The following DNAH5 variants were observed in gnomAD, a reference collection of about 807,000 sequenced individuals.
DNAH5 encodes axonemal beta dynein heavy chain 5.
Under a neutral mutation model 518.2 loss-of-function variants are expected in DNAH5, and 372 were observed. The observed-to-expected ratio is 0.72, with a 90% confidence interval of 0.66 to 0.78. The LOEUF (loss-of-function observed/expected upper bound fraction) is 0.78, where lower values mean the gene tolerates loss of function less well. Among genes scored for constraint, DNAH5 ranks in the 30% least tolerant of loss-of-function variants. The probability of loss-of-function intolerance (pLI) is 0.00; values close to 1 mark genes in which losing one functional copy is unlikely to be tolerated. For missense variants in DNAH5, 5,523 were observed against 5,687.0 expected, an observed-to-expected ratio of 0.97 and a Z score of 0.93; for synonymous variants, 2,039 against 2,025.9, an observed-to-expected ratio of 1.01 and a Z score of -0.17.
rs78067593 is a variant in DNAH5, at chr5:13,734,783, C to G, written c.11761+348G>C. Among the ~76,000 whole-genome samples the G allele has an allele frequency of 2.4e-3, 358 of 152,294 alleles. 1 individual carries two copies. The highest frequency in any genetic ancestry group is 7.4e-3 in the African/African-American group (308 of 41,570). On this transcript the variant is annotated intron_variant, in intron 68 of 78. Transcript: ENST00000265104. Reference sequence around the variant, plus strand: ...CCCACTTCATAATGCCCTGTAACTTCCCATCCCTCTCATCCTGCTCTGTTT... The same window carrying G: ...CCCACTTCATAATGCCCTGTAACTTGCCATCCCTCTCATCCTGCTCTGTTT...
chr5:13,769,651 G>C (rs778095587), intron 56 of DNAH5, 36 bp from the exon 57 acceptor site: 2 of 1,545,392 alleles, frequency 1.3e-6, no homozygotes, highest in Admixed American at 3.3e-5. Flanking sequence ...ATGTTAAAAT[G>C]TGTAGGACTT....
intron 1 of DNAH5, among the ~76,000 whole-genome samples, chr5:13,999,349 C>A (rs982306094): frequency 6.6e-6 from 1 of 152,228 alleles, no homozygotes; most frequent in Non-Finnish European, 1.5e-5. Flanking sequence ...TCTTAATTAA[C>A]AATTCCCCAC....
At chr5:13,765,808 A>C (rs898228759) in intron 59 of DNAH5, among the ~76,000 whole-genome samples, 168 bp downstream of exon 59, 3 of 152,232 alleles carry the variant, frequency 2.0e-5, no homozygotes, top group African/African-American at 7.2e-5. Flanking sequence ...AAAATCTGTC[A>C]GGAAAAACTC....
chr5:13,824,658 A>G (rs1003317711), intron 38 of DNAH5, among the ~76,000 whole-genome samples: 2 of 152,172 alleles, frequency 1.3e-5, no homozygotes, highest in Non-Finnish European at 2.9e-5. Flanking sequence ...AATCATACAT[A>G]AGGAAATTTG....
chr5:13,794,189 C>T, intron 47 of DNAH5, 131 bp from the exon 48 acceptor site: 1 of 1,151,208 alleles, frequency 8.7e-7, no homozygotes, highest in Non-Finnish European at 1.2e-6. Context: ...AAATTTCCCC[C>T]TTAATTCTAA....
chr5:13,786,990 T>TCA (rs1756130730), intron 51 of DNAH5, among the ~76,000 whole-genome samples: 1 of 152,024 alleles, frequency 6.6e-6, no homozygotes, highest in Non-Finnish European at 1.5e-5. Context: ...GAGGCCAAGG[T>TCA]GGGCAGATCA....
intron 11 of DNAH5, among the ~76,000 whole-genome samples, chr5:13,913,331 G>T (rs1021347017): frequency 1.3e-5 from 2 of 151,892 alleles, no homozygotes; most frequent in Non-Finnish European, 2.9e-5. Flanking sequence ...TTTAATATGG[G>T]TCCAAATAAA....
In DNAH5 at chr5:13,944,467, A is replaced by C. The variant is rs779450904; in HGVS notation, c.-29T>G. 1.1e-5 allele frequency: 18 copies of C among 1,607,944 alleles called. No individual in the cohort carries two copies. Among genetic ancestry groups the C allele is most frequent in the Non-Finnish European group, 1.5e-5 (18 of 1,177,068 alleles). The stretch of plus-strand genomic sequence containing the variant: ...AGCCGTGCATGGACAGGCTGGAGTC[A>C]GCTCTTCCGGAATGGTCTTCTAACT... On this transcript the variant is annotated 5_prime_UTR_variant, in exon 1 of 79. Transcript: ENST00000265104.
At chr5:13,861,181 T>A (rs374715830) in intron 29 of DNAH5, among the ~76,000 whole-genome samples, 2 of 152,216 alleles carry the variant, frequency 1.3e-5, no homozygotes, top group Non-Finnish European at 2.9e-5. Flanking sequence ...TTAATTTACA[T>A]GAGTGTCTTT....
intron 13 of DNAH5, 72 bp from the exon 14 acceptor site, chr5:13,901,645 A>G (rs1774643023): frequency 1.1e-6 from 1 of 902,544 alleles, no homozygotes; most frequent in Non-Finnish European, 1.6e-6. Flanking sequence ...AAAAATATCT[A>G]GTAATCTCAT....
At chr5:13,755,096 C>T (rs1020284718) in intron 61 of DNAH5, among the ~76,000 whole-genome samples, 4 of 151,936 alleles carry the variant, frequency 2.6e-5, no homozygotes, top group Non-Finnish European at 2.9e-5. Context: ...GAGCCAAGAT[C>T]GTGCCACTCA....
rs561387877 is a variant in DNAH5 at position 13,782,782 on chromosome 5, T to C, written c.8821-1823A>G. 5.3e-5 allele frequency among the ~76,000 whole-genome samples: 8 copies of C among 152,290 alleles called. No individual in the cohort carries two copies. The South Asian group carries it at 1.5e-3, about 28-fold the overall frequency. On this transcript the variant is annotated intron_variant, in intron 52 of 78. Coordinates refer to ENST00000265104, the MANE Select transcript of DNAH5 (RefSeq NM_001369.3). ...AAAACATATCTGACAAAGGAACAGA[T>C]ACATGAACAGAGAAGGCTTGCAAAG...
At chr5:13,917,722 G>A (rs1776797402) in intron 7 of DNAH5, among the ~76,000 whole-genome samples, 1 of 152,200 alleles carries the variant, frequency 6.6e-6, no homozygotes, top group South Asian at 2.1e-4. Context: ...GAAATGGAAA[G>A]ATAATCTAAA....
At chr5:13,944,287 G>T in intron 1 of DNAH5, 95 bp downstream of exon 1, 1 of 1,215,576 alleles carries the variant, frequency 8.2e-7, no homozygotes, top group Non-Finnish European at 1.2e-6. Flanking sequence ...ATCAGTGTGT[G>T]ACTTTGAACC....
chr5:13,936,292 A>G (rs1580968155), intron 1 of DNAH5, among the ~76,000 whole-genome samples: 1 of 152,344 alleles, frequency 6.6e-6, no homozygotes, highest in East Asian at 1.9e-4. Context: ...TATGTGGACT[A>G]CTTCTCATGA....
Position 13,817,557 on chromosome 5 carries a change from C to T in DNAH5, c.6979G>A (p.Ala2327Thr), listed in dbSNP as rs769338611. The T allele has an allele frequency of 6.2e-7, 1 of 1,614,106 alleles. No homozygotes were observed. Among genetic ancestry groups the T allele is most frequent in the Non-Finnish European group, 8.5e-7 (1 of 1,179,982 alleles). ...FSTLWRKTLR[A>T]KKGEHIWIIL... is the part of the protein sequence containing the mutation. ...GTAATTTATCTTCTACCTTTCTTTG[C>T]TCTTAATGTTTTCCTCCAAAGCGTA... The change falls in exon 42 of 79, where the codon GCA becomes ACA. Residue 2327 changes from alanine (A) to threonine (T), a missense_variant. By Grantham distance (58) the Ala-to-Thr change is moderately conservative. This residue lies in a region of DNAH5 where 5,121 missense variants were observed against 5,223.3 expected (regional missense o/e 0.98). Coordinates refer to ENST00000265104, the MANE Select transcript of DNAH5 (RefSeq NM_001369.3).
chr5:13,952,369 G>A (rs1405260612), intron 1 of DNAH5, among the ~76,000 whole-genome samples: 2 of 152,186 alleles, frequency 1.3e-5, no homozygotes, highest in African/African-American at 2.4e-5. Flanking sequence ...TGCAAAGAAA[G>A]TTCTGTCTCT....
chr5:13,785,488 A>C (rs1755849848), intron 52 of DNAH5, among the ~76,000 whole-genome samples: 1 of 152,200 alleles, frequency 6.6e-6, no homozygotes, highest in Admixed American at 6.5e-5. Flanking sequence ...CTATTTTTAA[A>C]TTATTGTTTC....
intron 75 of DNAH5, among the ~76,000 whole-genome samples, chr5:13,709,727 C>T (rs139767560): frequency 0.03 from 4,638 of 152,182 alleles, 220 homozygotes; most frequent in African/African-American, 0.099. Context: ...TGTGAGTGCC[C>T]CAACTGCAGA....
Sources: allele counts gnomAD v4.1 joint callset (sites outside exome capture counted in the v4.1 genomes callset), GRCh38; gene constraint gnomAD v4.1.1; regional missense constraint gnomAD v4.1.1; transcripts MANE v1.5; gene names NCBI Gene and HGNC (gene_info 2026-07-23, HGNC 2026-07-21).